The following AGTPBP1 variants were observed in gnomAD, a reference collection of about 807,000 sequenced individuals.
The protein encoded by AGTPBP1 is cytosolic carboxypeptidase 1.
In AGTPBP1, 70 loss-of-function variants were observed where a neutral mutation model predicts 143.9. The observed-to-expected ratio is 0.49, with a 90% CI of 0.40 to 0.59. The LOEUF is 0.59. Among genes scored for constraint, AGTPBP1 ranks in the 20% least tolerant of loss-of-function variants. The pLI, the probability that AGTPBP1 is intolerant of heterozygous loss-of-function variation, is 0.00. For missense variants in AGTPBP1, 1,229 were observed against 1,464.5 expected, an observed-to-expected ratio of 0.84 and a Z score of 2.62; for synonymous variants, 463 against 500.2, an observed-to-expected ratio of 0.93 and a Z score of 0.99.
chr9:85,550,746 C>T (rs989085575), intron 25 of AGTPBP1, among the ~76,000 whole-genome samples: 4 of 152,146 alleles, frequency 2.6e-5, no homozygotes, highest in Non-Finnish European at 2.9e-5. Flanking sequence ...CCAGTATGCT[C>T]GGTAACATTC....
intron 25 of AGTPBP1, among the ~76,000 whole-genome samples, chr9:85,573,226 G>C (rs1017184538): frequency 3.3e-5 from 5 of 151,940 alleles, no homozygotes; most frequent in South Asian, 4.2e-4. Context: ...GCCTCAGCCT[G>C]CCGAGTGCCT....
At chr9:85,558,049 T>C (rs373677452) in intron 25 of AGTPBP1, among the ~76,000 whole-genome samples, 9 of 152,204 alleles carry the variant, frequency 5.9e-5, no homozygotes, top group African/African-American at 2.2e-4. Context: ...AAACAAAATA[T>C]AACTAATGCT....
chr9:85,739,885 C>G (rs1022423370), intron 1 of AGTPBP1, among the ~76,000 whole-genome samples: 1 of 151,348 alleles, frequency 6.6e-6, no homozygotes, highest in African/African-American at 2.4e-5. Flanking sequence ...TGGTGACGCG[C>G]GCCTATAATC....
At chr9:85,670,312 A>C (rs997268561) in intron 7 of AGTPBP1, among the ~76,000 whole-genome samples, 2 of 152,200 alleles carry the variant, frequency 1.3e-5, no homozygotes, top group African/African-American at 4.8e-5. Context: ...TCTTTTGACT[A>C]TGGGGAATCA....
At chr9:85,762,559 C>T in the AGTPBP1 span, among the ~76,000 whole-genome samples, 22 of 143,672 alleles carry the variant, frequency 1.5e-4, no homozygotes, top group South Asian at 1.5e-3. Flanking sequence ...CTCATAGGTG[C>T]GAATTGAACA....
intron 23 of AGTPBP1, among the ~76,000 whole-genome samples, chr9:85,579,886 A>T (rs1828142168): frequency 6.6e-6 from 1 of 151,400 alleles, no homozygotes; most frequent in Non-Finnish European, 1.5e-5. Flanking sequence ...TTGAGAATAT[A>T]AACTTAAAAT....
chr9:85,663,291 C>CA (rs1223420938), intron 8 of AGTPBP1, among the ~76,000 whole-genome samples: 1 of 152,094 alleles, frequency 6.6e-6, no homozygotes, highest in African/African-American at 2.4e-5. Flanking sequence ...ATCTAGTATT[C>CA]ACACAGGGCT....
At position 85,585,602 on chromosome 9, in the gene AGTPBP1, A is replaced by C; in HGVS notation, c.3034-8T>G. On this transcript the variant is annotated splice_polypyrimidine_tract_variant and splice_region_variant and intron_variant, in intron 22 of 25. Transcript: ENST00000357081. ...ATGATAATCACAATAAACCTTGAAA[A>C]TATATATTTTAAAAATTAAAAGACT... 1 of 1,574,848 alleles carries C rather than the reference A, an allele frequency of 6.3e-7. No homozygotes were observed.
At chr9:85,755,167 A>G in the AGTPBP1 span, among the ~76,000 whole-genome samples, 1 of 152,036 alleles carries the variant, frequency 6.6e-6, no homozygotes, top group South Asian at 2.1e-4. Context: ...TCTTTTTCTC[A>G]TATATATTCA....
At chr9:85,703,959 G>A (rs996217206) in intron 2 of AGTPBP1, among the ~76,000 whole-genome samples, 13 of 152,306 alleles carry the variant, frequency 8.5e-5, no homozygotes, top group African/African-American at 2.9e-4. Context: ...TTTCAAATAG[G>A]AGGGACAACA....
intron 6 of AGTPBP1, among the ~76,000 whole-genome samples, 182 bp from the exon 7 acceptor site, chr9:85,672,863 T>C (rs986682737): frequency 2.0e-5 from 3 of 151,166 alleles, no homozygotes; most frequent in African/African-American, 7.3e-5. Context: ...GCCTCCTGAG[T>C]AGCTGGGATT....
intron 14 of AGTPBP1, among the ~76,000 whole-genome samples, chr9:85,629,810 G>A (rs1225033612): frequency 1.3e-5 from 2 of 152,072 alleles, no homozygotes; most frequent in African/African-American, 4.8e-5. Context: ...ACATAAACAG[G>A]TAAAATATCT....
chr9:85,774,565 C>T, the AGTPBP1 span, among the ~76,000 whole-genome samples: 2 of 152,128 alleles, frequency 1.3e-5, no homozygotes, highest in African/African-American at 4.8e-5. Flanking sequence ...AGCAGTAGTT[C>T]ACCACCAACT....
At chr9:85,779,196 TATAGATATAG>T in the AGTPBP1 span, among the ~76,000 whole-genome samples, 4 of 90,792 alleles carry the variant, frequency 4.4e-5, no homozygotes, top group African/African-American at 1.2e-4. Context: ...TAGATATAGA[TATAGATATAG>T]ATATAGATAT....
intron 18 of AGTPBP1, among the ~76,000 whole-genome samples, chr9:85,593,847 T>C (rs1829125200): frequency 6.6e-6 from 1 of 152,310 alleles, no homozygotes; most frequent in East Asian, 1.9e-4. Flanking sequence ...GAAATACTGC[T>C]GACATATGCT....
chr9:85,641,079 T>C (rs532183307), intron 13 of AGTPBP1, among the ~76,000 whole-genome samples: 5 of 152,298 alleles, frequency 3.3e-5, no homozygotes, highest in African/African-American at 1.2e-4. Flanking sequence ...ACTGACCTGT[T>C]AGTCACTCAG....
chr9:85,605,251 C>G (rs1242061761), intron 17 of AGTPBP1, among the ~76,000 whole-genome samples: 1 of 152,010 alleles, frequency 6.6e-6, no homozygotes, highest in Non-Finnish European at 1.5e-5. Flanking sequence ...AGAAAAGAAA[C>G]AAATAACATG....
chr9:85,684,671 G>C (rs1220291669), intron 3 of AGTPBP1, among the ~76,000 whole-genome samples: 1 of 151,760 alleles, frequency 6.6e-6, no homozygotes, highest in African/African-American at 2.4e-5. Context: ...CTTTTGTTGT[G>C]ATCAGTAATT....
At chr9:85,791,122 G>A in the AGTPBP1 span, among the ~76,000 whole-genome samples, 2 of 152,176 alleles carry the variant, frequency 1.3e-5, no homozygotes, top group African/African-American at 4.8e-5. Flanking sequence ...GCTCATGCCT[G>A]TAATCCCAGC....
Sources: gnomAD v4.1 joint callset for allele counts (sites outside exome capture counted in the v4.1 genomes callset) on GRCh38, gnomAD v4.1.1 for gene constraint, MANE v1.5 for transcripts, NCBI Gene and HGNC (gene_info 2026-07-23, HGNC 2026-07-21) for gene names.